LRRC4C: variants seen among roughly 807,000 people sequenced by gnomAD.
LRRC4C encodes leucine-rich repeat-containing protein 4C.
A neutral mutation model predicts 33.6 loss-of-function variants in LRRC4C; 5 were observed. The observed-to-expected ratio is 0.15, with a 90% CI of 0.08 to 0.31. The LOEUF (loss-of-function observed/expected upper bound fraction) is 0.31. Ranked by LOEUF, LRRC4C falls within the 10% of genes least tolerant of loss-of-function variation. The pLI, the probability that LRRC4C is intolerant of heterozygous loss-of-function variation, is 1.00. For missense variants in LRRC4C, 560 were observed against 796.7 expected, an observed-to-expected ratio of 0.70 and a Z score of 3.58; for synonymous variants, 329 against 302.0, an observed-to-expected ratio of 1.09 and a Z score of -0.93.
Position 40,646,758 on chromosome 11 carries a change from C to T in LRRC4C, c.-270+1384G>A, listed in dbSNP as rs552571315. Reference sequence around the variant, plus strand: ...AGTAGCTGGGACTACAGGCGCCCACCACCGCGCCCAGCTAATTTTTCGTAT... The same window carrying T: ...AGTAGCTGGGACTACAGGCGCCCACTACCGCGCCCAGCTAATTTTTCGTAT... On this transcript the variant is annotated intron_variant, in intron 3 of 6. Transcript: ENST00000528697. Among the ~76,000 whole-genome samples, 9 of 152,266 alleles carry T rather than the reference C, an allele frequency of 5.9e-5. No homozygotes were observed. In the East Asian group the frequency reaches 1.7e-3, roughly 30 times the overall value.
At chr11:41,192,603 C>T (rs1326653361) in intron 1 of LRRC4C, among the ~76,000 whole-genome samples, 1 of 151,876 alleles carries the variant, frequency 6.6e-6, no homozygotes, top group African/African-American at 2.4e-5. Context: ...TCTGTACCAG[C>T]AAGAACAAAA....
chr11:40,535,805 T>G (rs1956447458), intron 3 of LRRC4C, among the ~76,000 whole-genome samples: 1 of 152,220 alleles, frequency 6.6e-6, no homozygotes, highest in Non-Finnish European at 1.5e-5. Context: ...TCTTACCAAA[T>G]GAGTTGAACT....
chr11:41,447,487 C>A (rs922624610), intron 1 of LRRC4C, among the ~76,000 whole-genome samples: 1 of 152,164 alleles, frequency 6.6e-6, no homozygotes, highest in Non-Finnish European at 1.5e-5. Context: ...TTTAGAATCC[C>A]ATGGAAGTTG....
chr11:41,229,356 T>C (rs142540168), intron 1 of LRRC4C, among the ~76,000 whole-genome samples: 1 of 152,102 alleles, frequency 6.6e-6, no homozygotes, highest in Non-Finnish European at 1.5e-5. Context: ...GTTCCAGAAC[T>C]GTGAGAAAAT....
At chr11:40,499,908 G>T (rs746835937) in intron 3 of LRRC4C, among the ~76,000 whole-genome samples, 5 of 151,998 alleles carry the variant, frequency 3.3e-5, no homozygotes, top group African/African-American at 9.7e-5. Flanking sequence ...AAACTAATGA[G>T]ACCTAGGCCA....
intron 1 of LRRC4C, among the ~76,000 whole-genome samples, chr11:41,258,794 A>T (rs2136707641): frequency 6.6e-6 from 1 of 152,164 alleles, no homozygotes; most frequent in African/African-American, 2.4e-5. Context: ...AGAATATGTT[A>T]TGCCTTCAAC....
intron 5 of LRRC4C, among the ~76,000 whole-genome samples, chr11:40,162,714 T>G (rs928404549): frequency 6.6e-6 from 1 of 152,194 alleles, no homozygotes; most frequent in African/African-American, 2.4e-5. Flanking sequence ...GGTATGTGAT[T>G]TGTATCCTCC....
chr11:40,685,616 G>A (rs1399490375), intron 2 of LRRC4C, among the ~76,000 whole-genome samples: 1 of 151,698 alleles, frequency 6.6e-6, no homozygotes, highest in African/African-American at 2.4e-5. Flanking sequence ...AATAGAATTC[G>A]AGGACACACT....
At chr11:40,570,215 A>G (rs1394055647) in intron 3 of LRRC4C, among the ~76,000 whole-genome samples, 3 of 152,138 alleles carry the variant, frequency 2.0e-5, no homozygotes, top group Non-Finnish European at 4.4e-5. Flanking sequence ...TATTTTTTCT[A>G]TGCATTTTTA....
intron 1 of LRRC4C, among the ~76,000 whole-genome samples, chr11:41,109,303 C>G (rs972196585): frequency 6.6e-6 from 1 of 152,040 alleles, no homozygotes; most frequent in Non-Finnish European, 1.5e-5. Context: ...TAAAAGACAG[C>G]TCTCATGCCT....
At chr11:40,340,130 C>T (rs922245912) in intron 3 of LRRC4C, among the ~76,000 whole-genome samples, 4 of 151,960 alleles carry the variant, frequency 2.6e-5, no homozygotes, top group Non-Finnish European at 5.9e-5. Context: ...CTTCTTTATC[C>T]CCCTTCCCAC....
Position 40,115,261 on chromosome 11 carries a change from G to A in LRRC4C, c.1032C>T (p.Leu344=), listed in dbSNP as rs376224230. The change falls in exon 7 of 7, where the codon CTC becomes CTT. Residue 344 remains leucine, a synonymous_variant. Coordinates refer to ENST00000528697, the MANE Select transcript of LRRC4C (RefSeq NM_001258419.2). This position sits in a 1 kb window ranked among gnomAD's most constrained non-coding sequence, Gnocchi z 6.7. ...CATAGCATGTGAAGTAATTCTGGTC[G>A]AGCTCTCCAATGTACCTCCCCTTTA... ...PNLKGRYIGE[L]DQNYFTCYAP... is the part of the protein sequence containing the mutation. 2.7e-5 allele frequency: 44 copies of A among 1,613,966 alleles called. No homozygotes were observed. Among genetic ancestry groups the A allele is most frequent in the Middle Eastern group, 3.3e-4 (2 of 6,084 alleles).
intron 3 of LRRC4C, among the ~76,000 whole-genome samples, chr11:40,365,593 G>C (rs550319122): frequency 5.3e-5 from 8 of 151,968 alleles, no homozygotes; most frequent in Non-Finnish European, 1.0e-4. Context: ...TAAGTAGAAG[G>C]ATGTGTTAAC....
chr11:40,451,832 A>T (rs796225136), intron 3 of LRRC4C, among the ~76,000 whole-genome samples: 4 of 152,320 alleles, frequency 2.6e-5, no homozygotes, highest in African/African-American at 9.6e-5. Context: ...CTGAATAGGA[A>T]CAACTCCAGT....
At position 40,362,462 on chromosome 11, in the gene LRRC4C, G is replaced by A. The variant is rs577173489; in HGVS notation, c.-269-42741C>T. On this transcript the variant is annotated intron_variant, in intron 3 of 6. Coordinates refer to ENST00000528697, the MANE Select transcript of LRRC4C (RefSeq NM_001258419.2). The stretch of plus-strand genomic sequence containing the variant: ...TATTCTGGTGCAGTGGCTCACATCT[G>A]TAATCCCAGCACTTTGGGAGGCCAA... Among the ~76,000 whole-genome samples, 3 of 152,278 alleles carry A rather than the reference G, an allele frequency of 2.0e-5. No homozygotes were observed. In the East Asian group the frequency reaches 5.8e-4, roughly 29 times the overall value.
rs150515046 is a variant in LRRC4C, at chr11:41,212,716, G to A, written c.-496+246715C>T. On this transcript the variant is annotated intron_variant, in intron 1 of 6. Coordinates refer to ENST00000528697, the MANE Select transcript of LRRC4C (RefSeq NM_001258419.2). Reference sequence around the variant, plus strand: ...CTGAGAATAATAGCTTCCATTTATCGAAGCTCCACTTATGTCCCTGCAAAG... The same window carrying A: ...CTGAGAATAATAGCTTCCATTTATCAAAGCTCCACTTATGTCCCTGCAAAG... Among the ~76,000 whole-genome samples the A allele has an allele frequency of 5.2e-3, 797 of 152,162 alleles. 4 individuals carry two copies. The highest frequency in any genetic ancestry group is 0.024 in the Middle Eastern group (7 of 294).
At position 40,726,798 on chromosome 11, in the gene LRRC4C, G is replaced by GA. The variant is rs200455733; in HGVS notation, c.-406-78521dup. ...AAAGAAATAAAAGTCATCCAAATAG[G>GA]AAAAAAAAAGTCAAATTATCTCTCT... On this transcript the variant is annotated intron_variant, in intron 2 of 6. Transcript: ENST00000528697. Among the ~76,000 whole-genome samples, 294 of 150,004 alleles carry GA rather than the reference G, an allele frequency of 2.0e-3. 2 individuals carry two copies. Among genetic ancestry groups the GA allele is most frequent in the African/African-American group, 6.3e-3 (260 of 40,952 alleles).
Position 41,057,433 on chromosome 11 carries a change from G to A in LRRC4C, c.-495-123710C>T, listed in dbSNP as rs184024365. On this transcript the variant is annotated intron_variant, in intron 1 of 6. Transcript: ENST00000528697. ...GCCTGGGCACCATGAACAGCAGCAGGAAGCAGACAGGTTCCTGGGTGGAAG... is the reference window on the plus strand; with the variant it reads ...GCCTGGGCACCATGAACAGCAGCAGAAAGCAGACAGGTTCCTGGGTGGAAG... Among the ~76,000 whole-genome samples, 56 of 152,350 alleles carry A rather than the reference G, an allele frequency of 3.7e-4. 2 individuals carry two copies. The South Asian group carries it at 0.011, about 29-fold the overall frequency.
intron 3 of LRRC4C, among the ~76,000 whole-genome samples, chr11:40,497,751 T>G (rs527288288): frequency 6.6e-6 from 1 of 152,162 alleles, no homozygotes; most frequent in Non-Finnish European, 1.5e-5. Flanking sequence ...TCAGAAATCA[T>G]CAGAAGTCAC....
Sources: gnomAD v4.1 joint callset for allele counts (sites outside exome capture counted in the v4.1 genomes callset) on GRCh38, gnomAD v4.1.1 for gene constraint, Gnocchi (gnomAD v3.1) non-coding constraint, MANE v1.5 for transcripts, NCBI Gene and HGNC (gene_info 2026-07-23, HGNC 2026-07-21) for gene names.